The following NREP variants were observed in gnomAD, a reference collection of about 807,000 sequenced individuals.
NREP encodes the protein neuronal regeneration related protein.
A neutral mutation model predicts 8.6 loss-of-function variants in NREP; 5 were observed. The observed-to-expected ratio is 0.58, with a 90% CI of 0.30 to 1.22. NREP has a LOEUF of 1.22. NREP is among the 50% of genes most tolerant of loss of function. The pLI is 0.07. For synonymous variants in NREP, 27 were observed against 28.0 expected (o/e 0.96, Z 0.11); for missense variants, 86 against 82.5 (o/e 1.04, Z -0.17).
At chr5:111,837,092 T>C (rs1317920191) in intron 2 of NREP, among the ~76,000 whole-genome samples, 4 of 152,128 alleles carry the variant, frequency 2.6e-5, no homozygotes, top group Non-Finnish European at 5.9e-5. Flanking sequence ...AATTCACTTA[T>C]AGAAAAATAA....
intron 2 of NREP, among the ~76,000 whole-genome samples, chr5:111,827,826 C>T (rs890934309): frequency 6.6e-6 from 1 of 151,718 alleles, no homozygotes; most frequent in South Asian, 2.1e-4. Context: ...CTGGGCCACA[C>T]GGGATGACTC....
chr5:111,784,035 T>C (rs1751554431), intron 2 of NREP, among the ~76,000 whole-genome samples: 1 of 152,132 alleles, frequency 6.6e-6, no homozygotes, highest in Non-Finnish European at 1.5e-5. Flanking sequence ...CACATAAAGT[T>C]CAGTTGATAT....
At chr5:111,804,879 C>T (rs1462536334) in intron 2 of NREP, among the ~76,000 whole-genome samples, 2 of 151,996 alleles carry the variant, frequency 1.3e-5, no homozygotes, top group East Asian at 1.9e-4. Flanking sequence ...CGGGCGCCTG[C>T]AGGCCCAGCT....
chr5:111,749,021 A>T (rs1750190180), intron 2 of NREP, among the ~76,000 whole-genome samples: 1 of 152,140 alleles, frequency 6.6e-6, no homozygotes, highest in African/African-American at 2.4e-5. Context: ...TTTTGTCAGG[A>T]GGTGTATTCC....
chr5:111,934,091 A>T (rs1464591613), intron 2 of NREP, among the ~76,000 whole-genome samples: 1 of 152,084 alleles, frequency 6.6e-6, no homozygotes, highest in Non-Finnish European at 1.5e-5. Flanking sequence ...AGAGGAGGGA[A>T]TGAGCAGGTG....
intron 2 of NREP, among the ~76,000 whole-genome samples, chr5:111,811,234 G>A (rs201561385): frequency 9.9e-5 from 15 of 152,204 alleles, no homozygotes; most frequent in Non-Finnish European, 2.2e-4. Flanking sequence ...GCAAGACCCA[G>A]TCTCTGATGA....
At chr5:111,811,822 C>T (rs1317614699) in intron 2 of NREP, among the ~76,000 whole-genome samples, 1 of 152,052 alleles carries the variant, frequency 6.6e-6, no homozygotes, top group East Asian at 1.9e-4. Context: ...TGGAAATGAT[C>T]TGATCCTTTC....
At chr5:111,961,311 T>C (rs1360692319) in intron 2 of NREP, among the ~76,000 whole-genome samples, 4 of 152,234 alleles carry the variant, frequency 2.6e-5, no homozygotes, top group African/African-American at 9.6e-5. Context: ...CCAGTGGATT[T>C]AAGTCTGAAG....
At chr5:111,897,446 C>T (rs1754537934) in intron 2 of NREP, among the ~76,000 whole-genome samples, 1 of 152,162 alleles carries the variant, frequency 6.6e-6, no homozygotes, top group Non-Finnish European at 1.5e-5. Flanking sequence ...TGGTTCTCAA[C>T]CCAGGCATAT....
chr5:111,767,335 T>C (rs549684659), intron 2 of NREP, among the ~76,000 whole-genome samples: 36 of 152,250 alleles, frequency 2.4e-4, no homozygotes, highest in African/African-American at 8.7e-4. Flanking sequence ...AATCTATGCA[T>C]AGGTATAGTT....
intron 2 of NREP, among the ~76,000 whole-genome samples, chr5:111,817,610 T>C (rs917267183): frequency 1.4e-4 from 21 of 151,866 alleles, no homozygotes; most frequent in Admixed American, 9.8e-4. Flanking sequence ...TCGAGACCAT[T>C]CTGGCTAACA....
intron 2 of NREP, among the ~76,000 whole-genome samples, chr5:111,912,354 C>T (rs1342881732): frequency 6.6e-6 from 1 of 151,968 alleles, no homozygotes; most frequent in East Asian, 1.9e-4. Flanking sequence ...TGACCCTCCT[C>T]ACTTCATCCA....
chr5:111,793,002 C>A (rs1341767978), intron 2 of NREP, among the ~76,000 whole-genome samples: 1 of 152,010 alleles, frequency 6.6e-6, no homozygotes, highest in Non-Finnish European at 1.5e-5. Context: ...TACAGATGGG[C>A]CTTTGGAAGG....
intron 2 of NREP, among the ~76,000 whole-genome samples, chr5:111,845,710 C>T (rs1415755030): frequency 6.6e-6 from 1 of 151,918 alleles, no homozygotes; most frequent in Admixed American, 6.6e-5. Flanking sequence ...AATTTAATAT[C>T]ATATATACTA....
intron 1 of NREP, among the ~76,000 whole-genome samples, chr5:111,975,706 C>T (rs1756943729): frequency 6.6e-6 from 1 of 152,160 alleles, no homozygotes. Flanking sequence ...TTAAAATTTT[C>T]AAATGCCATA....
intron 2 of NREP, among the ~76,000 whole-genome samples, chr5:111,855,584 G>C (rs1235788835): frequency 6.6e-6 from 1 of 152,188 alleles, no homozygotes; most frequent in African/African-American, 2.4e-5. Context: ...GGCCCTGACT[G>C]ACAGGCCACC....
chr5:111,796,318 T>A (rs1260563370), intron 2 of NREP, among the ~76,000 whole-genome samples: 2 of 152,204 alleles, frequency 1.3e-5, no homozygotes, highest in Non-Finnish European at 2.9e-5. Flanking sequence ...CGTGATCATA[T>A]TGGGCCCAGC....
chr5:111,788,511 G>A (rs1209588982), intron 2 of NREP, among the ~76,000 whole-genome samples: 1 of 152,196 alleles, frequency 6.6e-6, no homozygotes, highest in East Asian at 1.9e-4. Flanking sequence ...ATTCAAGCCA[G>A]AGCATGAAGT....
chr5:111,765,958 G>C (rs577198855), intron 2 of NREP, among the ~76,000 whole-genome samples: 2 of 152,064 alleles, frequency 1.3e-5, no homozygotes, highest in Admixed American at 6.6e-5. Context: ...AAATGGTTTT[G>C]AACCACACCA....
Sources: allele counts gnomAD v4.1 joint callset (sites outside exome capture counted in the v4.1 genomes callset), GRCh38; gene constraint gnomAD v4.1.1; transcripts MANE v1.5; gene names NCBI Gene and HGNC (gene_info 2026-07-23, HGNC 2026-07-21).